The following DLG2 variants were observed in gnomAD, a reference collection of about 807,000 sequenced individuals.
The protein encoded by DLG2 is disks large homolog 2.
Under a neutral mutation model 132.5 loss-of-function variants are expected in DLG2, and 45 were observed. The ratio of observed to expected loss-of-function variants is 0.34; its 90% confidence interval spans 0.27 to 0.44. DLG2 has a LOEUF of 0.44. Among genes scored for constraint, DLG2 ranks in the 20% least tolerant of loss-of-function variants. The pLI is 1.00. For missense variants in DLG2, 1,045 were observed against 1,196.9 expected (o/e 0.87, Z 1.87); for synonymous variants, 424 against 419.6 (o/e 1.01, Z -0.13).
intron 3 of DLG2, among the ~76,000 whole-genome samples, chr11:85,562,144 A>G (rs1383725764): frequency 1.3e-5 from 2 of 151,770 alleles, no homozygotes; most frequent in African/African-American, 2.4e-5. Flanking sequence ...TTACAAAGCA[A>G]GAATGCCCAC....
intron 4 of DLG2, among the ~76,000 whole-genome samples, chr11:85,237,431 G>GA (rs2075646296): frequency 6.6e-6 from 1 of 152,004 alleles, no homozygotes; most frequent in African/African-American, 2.4e-5. Context: ...TAGGGTCTGT[G>GA]AAAAAATATA....
chr11:84,378,854 A>C (rs1212744648), intron 7 of DLG2, among the ~76,000 whole-genome samples: 2 of 68,174 alleles, frequency 2.9e-5, no homozygotes, highest in African/African-American at 9.0e-4. Context: ...CTGAGGAAGA[A>C]AAAATCGTTT....
intron 20 of DLG2, among the ~76,000 whole-genome samples, chr11:83,538,933 G>A (rs2095976427): frequency 6.6e-6 from 1 of 152,078 alleles, no homozygotes; most frequent in South Asian, 2.1e-4. Context: ...ATCTGTAGGG[G>A]GCAAGATTTC....
chr11:84,304,397 G>T (rs1371693783), intron 7 of DLG2, among the ~76,000 whole-genome samples: 3 of 152,174 alleles, frequency 2.0e-5, no homozygotes, highest in African/African-American at 7.2e-5. Flanking sequence ...CAAATGAAAG[G>T]ATTAAAGAGG....
intron 8 of DLG2, among the ~76,000 whole-genome samples, chr11:84,190,174 C>CAAA (rs35162888): frequency 5.8e-4 from 76 of 132,118 alleles, no homozygotes; most frequent in Non-Finnish European, 8.3e-4. Flanking sequence ...GTTAAGTAGT[C>CAAA]AAAAAAAAAA....
intron 9 of DLG2, among the ~76,000 whole-genome samples, chr11:84,117,665 G>T (rs899160576): frequency 6.6e-6 from 1 of 152,080 alleles, no homozygotes; most frequent in East Asian, 1.9e-4. Context: ...TACTTCTGCT[G>T]CCACATGTAT....
At chr11:83,519,649 A>G (rs73522617) in intron 21 of DLG2, among the ~76,000 whole-genome samples, 1,897 of 152,310 alleles carry the variant, frequency 0.012, 32 homozygotes, top group African/African-American at 0.043. Flanking sequence ...GTAATCTTCA[A>G]AAAACATCAA....
intron 6 of DLG2, among the ~76,000 whole-genome samples, chr11:85,016,483 A>G (rs1365638748): frequency 2.6e-5 from 4 of 151,936 alleles, no homozygotes; most frequent in Non-Finnish European, 4.4e-5. Flanking sequence ...CTATTTTCTC[A>G]CCAATACCTT....
At chr11:84,348,565 G>C (rs7942296) in intron 7 of DLG2, among the ~76,000 whole-genome samples, 1 of 151,968 alleles carries the variant, frequency 6.6e-6, no homozygotes, top group African/African-American at 2.4e-5. Context: ...GCTATGACAG[G>C]GGATTCTAAT....
At chr11:84,881,540 C>T (rs2087339741) in intron 6 of DLG2, among the ~76,000 whole-genome samples, 2 of 152,126 alleles carry the variant, frequency 1.3e-5, no homozygotes, top group South Asian at 4.1e-4. Context: ...GGGGGTGCTA[C>T]TGACATTTGG....
At chr11:84,832,706 CTTAT>C (rs1177141341) in intron 6 of DLG2, among the ~76,000 whole-genome samples, 1 of 151,596 alleles carries the variant, frequency 6.6e-6, no homozygotes, top group Non-Finnish European at 1.5e-5. Flanking sequence ...GACTGTATTA[CTTAT>C]TTATGTTATT....
intron 3 of DLG2, among the ~76,000 whole-genome samples, chr11:85,517,488 A>T (rs925067320): frequency 7.2e-5 from 11 of 152,328 alleles, no homozygotes; most frequent in Middle Eastern, 3.4e-3. Context: ...GAGGAAGTCA[A>T]ATGATCTCTT....
intron 3 of DLG2, among the ~76,000 whole-genome samples, chr11:85,358,389 C>G (rs2083904139): frequency 6.6e-6 from 1 of 152,132 alleles, no homozygotes; most frequent in African/African-American, 2.4e-5. Context: ...ACTGACTAAT[C>G]CAGATCCCAG....
intron 12 of DLG2, among the ~76,000 whole-genome samples, chr11:83,978,569 A>C (rs2092489213): frequency 6.6e-6 from 1 of 152,138 alleles, no homozygotes; most frequent in Non-Finnish European, 1.5e-5. Context: ...AAAACAAACA[A>C]GCAAACAAAC....
At chr11:85,020,528 C>T (rs532105653) in intron 6 of DLG2, among the ~76,000 whole-genome samples, 7 of 152,196 alleles carry the variant, frequency 4.6e-5, no homozygotes, top group African/African-American at 1.7e-4. Context: ...GTCATGAAGT[C>T]CTTGCCCATG....
chr11:84,556,989 G>A (rs1416446208), intron 6 of DLG2, among the ~76,000 whole-genome samples: 1 of 152,050 alleles, frequency 6.6e-6, no homozygotes, highest in Non-Finnish European at 1.5e-5. Context: ...TATCCATCCC[G>A]GGTCATATCT....
chr11:84,150,458 G>A (rs2095258281), intron 9 of DLG2, among the ~76,000 whole-genome samples: 1 of 152,136 alleles, frequency 6.6e-6, no homozygotes. Context: ...ATCAGTTCTA[G>A]GAGCTTTTTG....
intron 6 of DLG2, among the ~76,000 whole-genome samples, chr11:84,646,504 A>G (rs1197446127): frequency 2.6e-5 from 4 of 152,302 alleles, no homozygotes; most frequent in African/African-American, 4.8e-5. Flanking sequence ...GGGGGCCAGC[A>G]TAACTTCTGC....
At chr11:84,173,885 T>TCTCCTCC (rs2095877671) in intron 8 of DLG2, among the ~76,000 whole-genome samples, 1 of 152,114 alleles carries the variant, frequency 6.6e-6, no homozygotes, top group Non-Finnish European at 1.5e-5. Flanking sequence ...TCCTTGCTAG[T>TCTCCTCC]CTCCTCCCTA....
Sources: allele counts gnomAD v4.1 joint callset (sites outside exome capture counted in the v4.1 genomes callset), GRCh38; gene constraint gnomAD v4.1.1; transcripts MANE v1.5; gene names NCBI Gene and HGNC (gene_info 2026-07-23, HGNC 2026-07-21).